BMERB1: variants seen among roughly 807,000 people sequenced by gnomAD.
The protein encoded by BMERB1 is bMERB domain-containing protein 1.
A neutral mutation model predicts 23.6 loss-of-function variants in BMERB1; 12 were observed. The observed-to-expected ratio is 0.51, with a 90% confidence interval of 0.33 to 0.82. The LOEUF is 0.82. BMERB1 is among the 40% of genes least tolerant of loss of function. BMERB1 has a pLI of 0.03. For missense variants in BMERB1, 247 were observed against 255.4 expected, an observed-to-expected ratio of 0.97 and a Z score of 0.22; for synonymous variants, 122 against 96.6, an observed-to-expected ratio of 1.26 and a Z score of -1.54.
intron 2 of BMERB1, 64 bp downstream of exon 2, chr16:15,515,492 T>C: frequency 6.4e-7 from 1 of 1,560,490 alleles, no homozygotes. Flanking sequence ...AACCTAATAT[T>C]TGTTGATCGT....
intron 1 of BMERB1, among the ~76,000 whole-genome samples, chr16:15,482,022 C>T (rs1173631870): frequency 6.6e-6 from 1 of 152,056 alleles, no homozygotes; most frequent in African/African-American, 2.4e-5. Context: ...TGAGCCACCG[C>T]GCCTGGCCTG....
chr16:15,489,789 A>T (rs1444457117), intron 1 of BMERB1, among the ~76,000 whole-genome samples: 3 of 151,610 alleles, frequency 2.0e-5, no homozygotes, highest in Admixed American at 1.3e-4. Flanking sequence ...CCCAAACATA[A>T]CTCATTACCT....
intron 1 of BMERB1, among the ~76,000 whole-genome samples, chr16:15,476,984 G>A (rs571796743): frequency 1.3e-5 from 2 of 152,082 alleles, no homozygotes. Flanking sequence ...GGGCAGATAT[G>A]GTTAAAAAAA....
intron 2 of BMERB1, among the ~76,000 whole-genome samples, chr16:15,567,753 A>C (rs1429942314): frequency 6.6e-6 from 1 of 152,046 alleles, no homozygotes; most frequent in East Asian, 1.9e-4. Context: ...ACAGAGTGAG[A>C]CTCTGTCACA....
intron 2 of BMERB1, among the ~76,000 whole-genome samples, chr16:15,538,934 C>T (rs993354164): frequency 2.0e-4 from 31 of 152,242 alleles, no homozygotes; most frequent in African/African-American, 5.3e-4. Flanking sequence ...TTTATAGCAG[C>T]GATCCCCAAC....
rs367548287 is a variant in BMERB1 at position 15,519,499 on chromosome 16, T to G, written c.230+4071T>G. 9.2e-5 allele frequency among the ~76,000 whole-genome samples: 14 copies of G among 152,316 alleles called. No homozygotes were observed. In the East Asian group the frequency reaches 1.5e-3, roughly 17 times the overall value. On this transcript the variant is annotated intron_variant, in intron 2 of 5. Coordinates refer to ENST00000300006, the MANE Select transcript of BMERB1 (RefSeq NM_033201.3). ...TCCGTCTCCTGGGTTCAAGCGATTC[T>G]TGTGCCTCGGCCTTCCAAGTAGCTG...
chr16:15,452,209 A>T (rs1031626927), intron 1 of BMERB1, among the ~76,000 whole-genome samples: 3 of 149,990 alleles, frequency 2.0e-5, no homozygotes, highest in African/African-American at 4.9e-5. Flanking sequence ...TGAACCCAGG[A>T]GTTTGAGGTT....
intron 2 of BMERB1, among the ~76,000 whole-genome samples, chr16:15,546,116 C>A (rs1310993308): frequency 6.6e-6 from 1 of 152,070 alleles, no homozygotes; most frequent in Admixed American, 6.6e-5. Context: ...GGTGGAACCC[C>A]CTCTCTATAA....
intron 1 of BMERB1, among the ~76,000 whole-genome samples, chr16:15,489,945 C>T (rs1327810856): frequency 6.6e-6 from 1 of 152,074 alleles, no homozygotes; most frequent in Non-Finnish European, 1.5e-5. Flanking sequence ...CGGCTGGCTG[C>T]AAGCTACGCC....
intron 2 of BMERB1, among the ~76,000 whole-genome samples, chr16:15,559,350 C>T (rs1001584309): frequency 3.3e-5 from 5 of 152,192 alleles, no homozygotes; most frequent in South Asian, 4.1e-4. Context: ...TGGGAGAAAG[C>T]GGGAGGGGAA....
At chr16:15,579,779 A>C (rs2030961464) in intron 3 of BMERB1, among the ~76,000 whole-genome samples, 1 of 152,126 alleles carries the variant, frequency 6.6e-6, no homozygotes, top group Non-Finnish European at 1.5e-5. Context: ...AGGGAAAAAA[A>C]CAACTAGTTC....
At chr16:15,502,321 CA>C (rs1255344464) in intron 1 of BMERB1, 2 of 1,551,260 alleles carry the variant, frequency 1.3e-6, no homozygotes, top group Non-Finnish European at 1.7e-6. Flanking sequence ...CAAATTCTTC[CA>C]TGTGGGGCGA....
chr16:15,508,828 C>CAAAA (rs1181215065), intron 1 of BMERB1, among the ~76,000 whole-genome samples: 47 of 56,014 alleles, frequency 8.4e-4, no homozygotes, highest in African/African-American at 2.8e-3. Context: ...CCTGCCCCAC[C>CAAAA]AAAAAAAAAA....
At chr16:15,456,524 G>C (rs1567453378) in intron 1 of BMERB1, among the ~76,000 whole-genome samples, 1 of 152,012 alleles carries the variant, frequency 6.6e-6, no homozygotes, top group Non-Finnish European at 1.5e-5. Context: ...TTTTAGTAGA[G>C]ACTGGGTTTT....
At chr16:15,484,846 A>G (rs940316678) in intron 1 of BMERB1, among the ~76,000 whole-genome samples, 3 of 152,172 alleles carry the variant, frequency 2.0e-5, no homozygotes, top group African/African-American at 7.2e-5. Context: ...ATCATCCCAC[A>G]AGGAAACCAC....
At chr16:15,476,074 A>G (rs1467417526) in intron 1 of BMERB1, among the ~76,000 whole-genome samples, 3 of 152,050 alleles carry the variant, frequency 2.0e-5, no homozygotes, top group African/African-American at 7.2e-5. Flanking sequence ...TTTATTAAGC[A>G]GGACATTCCA....
At chr16:15,508,430 G>A (rs985985236) in intron 1 of BMERB1, among the ~76,000 whole-genome samples, 1 of 60,554 alleles carries the variant, frequency 1.7e-5, no homozygotes, top group African/African-American at 6.3e-5. Flanking sequence ...ACATGTAAAT[G>A]AATGAGCGTG....
intron 3 of BMERB1, among the ~76,000 whole-genome samples, chr16:15,578,479 C>T (rs2030927509): frequency 6.6e-6 from 1 of 152,122 alleles, no homozygotes; most frequent in Non-Finnish European, 1.5e-5. Flanking sequence ...TTACAAATTA[C>T]TTTGGAAATA....
intron 1 of BMERB1, among the ~76,000 whole-genome samples, chr16:15,476,257 G>A (rs1477861928): frequency 6.6e-6 from 1 of 151,604 alleles, no homozygotes; most frequent in Non-Finnish European, 1.5e-5. Context: ...CCGCCTCCCG[G>A]GTTCAAGTGA....
Sources: gnomAD v4.1 joint callset for allele counts (sites outside exome capture counted in the v4.1 genomes callset) on GRCh38, gnomAD v4.1.1 for gene constraint, MANE v1.5 for transcripts, NCBI Gene and HGNC (gene_info 2026-07-23, HGNC 2026-07-21) for gene names.